The following PSMB7 variants were observed in gnomAD, a reference collection of about 807,000 sequenced individuals.
PSMB7 encodes proteasome 20S subunit beta 7.
PSMB7 carries 5 observed loss-of-function variants against 28.1 expected under a neutral mutation model. The ratio of observed to expected loss-of-function variants is 0.18; its 90% CI spans 0.09 to 0.37. The LOEUF (loss-of-function observed/expected upper bound fraction) is 0.37, where lower values mean the gene tolerates loss of function less well. Ranked by LOEUF, PSMB7 falls within the 10% of genes least tolerant of loss-of-function variation. The probability of loss-of-function intolerance (pLI) is 1.00; values close to 1 mark genes in which losing one functional copy is unlikely to be tolerated. For missense variants in PSMB7, 275 were observed against 346.2 expected (o/e 0.79, Z 1.63); for synonymous variants, 122 against 123.7 (o/e 0.99, Z 0.09).
At chr9:124,379,270 T>A (rs1244983794) in intron 6 of PSMB7, among the ~76,000 whole-genome samples, 1 of 152,222 alleles carries the variant, frequency 6.6e-6, no homozygotes, top group African/African-American at 2.4e-5. Context: ...AAAGGAAGGT[T>A]ACTCTCAGAA....
intron 6 of PSMB7, 58 bp downstream of exon 6, chr9:124,384,540 T>G: frequency 4.7e-6 from 7 of 1,496,302 alleles, no homozygotes; most frequent in Non-Finnish European, 6.4e-6. Flanking sequence ...TTTGTAAATG[T>G]TCAAGATAAA....
Position 124,415,284 on chromosome 9 carries a change from C to T in PSMB7, c.62+80G>A, listed in dbSNP as rs74789535. The T allele has an allele frequency of 8.5e-6, 12 of 1,415,254 alleles. No homozygotes were observed. In the African/African-American group the frequency reaches 1.6e-4, roughly 18 times the overall value. The allele number at this position is 1,415,254 out of a possible 1,614,324, so 87.7% of individuals were successfully genotyped here. A position where few individuals can be genotyped will look rare whatever the true frequency, so the allele number is the denominator to read the frequency against. ...CCATGAATTCTTCCCTCAGAATTCT[C>T]GTATCACACCTTGGCCCAGCTCCCA... On this transcript the variant is annotated intron_variant, in intron 1 of 7. Coordinates refer to ENST00000259457, the MANE Select transcript of PSMB7 (RefSeq NM_002799.4).
chr9:124,396,929 T>C (rs1830849354), intron 5 of PSMB7: 1 of 402,416 alleles, frequency 2.5e-6, no homozygotes, highest in Non-Finnish European at 5.1e-6. Flanking sequence ...ACTAAAATGC[T>C]TTCCCTTTCC....
chr9:124,383,981 C>T (rs1390699113), intron 6 of PSMB7: 1 of 152,116 alleles, frequency 6.6e-6, no homozygotes, highest in Non-Finnish European at 1.5e-5. Context: ...GGGGTGGAGA[C>T]AATCTATCAT....
intron 2 of PSMB7, 59 bp downstream of exon 2, chr9:124,414,783 A>G: frequency 7.0e-7 from 1 of 1,426,044 alleles, no homozygotes; most frequent in South Asian, 1.2e-5. Flanking sequence ...CCGGAAGCCA[A>G]GTGTTCTGAT....
intron 6 of PSMB7, among the ~76,000 whole-genome samples, chr9:124,369,201 A>AT: frequency 6.6e-6 from 1 of 152,302 alleles, no homozygotes; most frequent in Middle Eastern, 3.4e-3. Flanking sequence ...TAAAATATCT[A>AT]TTTAGTACAA....
At chr9:124,384,994 C>T (rs777696163) in intron 5 of PSMB7, among the ~76,000 whole-genome samples, 1 of 152,204 alleles carries the variant, frequency 6.6e-6, no homozygotes, top group Non-Finnish European at 1.5e-5. Context: ...CATAATTTCC[C>T]GTGTTCTATG....
Position 124,371,683 on chromosome 9 carries a change from G to C in PSMB7, c.570+12915C>G, listed in dbSNP as rs146417053. Among the ~76,000 whole-genome samples the C allele has an allele frequency of 9.2e-5, 14 of 152,306 alleles. 1 individual carries two copies. Among genetic ancestry groups the C allele is most frequent in the African/African-American group, 3.4e-4 (14 of 41,566 alleles). Reference sequence around the variant, plus strand: ...TGTACCTGAGACCCAAGTTAGCAAAGGCAATTCAATTTGAAGAGAGCGGTG... The same window carrying C: ...TGTACCTGAGACCCAAGTTAGCAAACGCAATTCAATTTGAAGAGAGCGGTG... On this transcript the variant is annotated intron_variant, in intron 6 of 7. Coordinates refer to ENST00000259457, the MANE Select transcript of PSMB7 (RefSeq NM_002799.4).
Position 124,413,901 on chromosome 9 carries a change from T to C in PSMB7, c.254+7A>G. On this transcript the variant is annotated splice_region_variant and intron_variant, in intron 3 of 7. Coordinates refer to ENST00000259457, the MANE Select transcript of PSMB7 (RefSeq NM_002799.4). Reference sequence around the variant, plus strand: ...TATAAGAGTTATTCAAACGAATCAATACTTACTAAATATTAGGAGATATGA... The same window carrying C: ...TATAAGAGTTATTCAAACGAATCAACACTTACTAAATATTAGGAGATATGA... 2.5e-6 allele frequency: 4 copies of C among 1,573,850 alleles called. No homozygotes were observed. Among genetic ancestry groups the C allele is most frequent in the Non-Finnish European group, 3.5e-6 (4 of 1,145,580 alleles).
At position 124,356,636 on chromosome 9, in the gene PSMB7, T is replaced by TTGA; in HGVS notation, c.722+125_722+127dup. 1.8e-6 allele frequency: 2 copies of TTGA among 1,101,806 alleles called. No homozygotes were observed. Among genetic ancestry groups the TTGA allele is most frequent in the African/African-American group, 3.2e-5 (2 of 63,458 alleles). 68.3% of individuals were successfully genotyped at this position (1,101,806 alleles called of 1,614,324 possible). On this transcript the variant is annotated intron_variant, in intron 7 of 7. Coordinates refer to ENST00000259457, the MANE Select transcript of PSMB7 (RefSeq NM_002799.4). This position sits in a 1 kb window ranked among gnomAD's most constrained non-coding sequence, Gnocchi z 4.4. ...ACAAGCCGAAGGTCTGTGTGGGAGG[T>TTGA]TGATTTGGGAACACTGGATGTACTT...
At chr9:124,408,472 A>G (rs1830991078) in intron 4 of PSMB7, among the ~76,000 whole-genome samples, 1 of 152,244 alleles carries the variant, frequency 6.6e-6, no homozygotes, top group South Asian at 2.1e-4. Context: ...ACATAGCCAC[A>G]AAACGGATAC....
intron 6 of PSMB7, among the ~76,000 whole-genome samples, chr9:124,382,554 G>C (rs898820603): frequency 1.3e-5 from 2 of 152,122 alleles, no homozygotes; most frequent in African/African-American, 4.8e-5. Flanking sequence ...CTGATTGTCA[G>C]TGTGCATGTG....
rs566054048 is a variant in PSMB7 at position 124,380,147 on chromosome 9, G to A, written c.570+4451C>T. Among the ~76,000 whole-genome samples, 27 of 152,322 alleles carry A rather than the reference G, an allele frequency of 1.8e-4. No individual in the cohort carries two copies. In the Middle Eastern group the frequency reaches 0.01, roughly 58 times the overall value. ...AGGAGTCCACGGCGAGCCAGTGCAC[G>A]CTATATTCAAAGAACAGTGAGCAGA... On this transcript the variant is annotated intron_variant, in intron 6 of 7. Coordinates refer to ENST00000259457, the MANE Select transcript of PSMB7 (RefSeq NM_002799.4).
chr9:124,403,040 C>T (rs1273869113), intron 5 of PSMB7, among the ~76,000 whole-genome samples: 1 of 152,082 alleles, frequency 6.6e-6, no homozygotes, highest in Non-Finnish European at 1.5e-5. Context: ...CAGCAGTTTT[C>T]CTAGATGTGG....
intron 6 of PSMB7, 89 bp downstream of exon 6, chr9:124,384,509 T>G: frequency 8.1e-7 from 1 of 1,235,974 alleles, no homozygotes; most frequent in Non-Finnish European, 1.2e-6. Flanking sequence ...CTGTACAAGC[T>G]CGGGAGGAAT....
At chr9:124,383,062 A>G (rs1300032844) in intron 6 of PSMB7, among the ~76,000 whole-genome samples, 1 of 152,254 alleles carries the variant, frequency 6.6e-6, no homozygotes, top group Non-Finnish European at 1.5e-5. Flanking sequence ...TGTGAGTTCT[A>G]ATGGATGCGT....
intron 3 of PSMB7, among the ~76,000 whole-genome samples, chr9:124,412,791 C>T (rs1030168365): frequency 6.6e-6 from 1 of 152,052 alleles, no homozygotes; most frequent in East Asian, 1.9e-4. Flanking sequence ...TACAGAAGTG[C>T]CAGGTGTGTT....
At chr9:124,414,593 G>T (rs1333478556) in intron 2 of PSMB7, among the ~76,000 whole-genome samples, 1 of 142,506 alleles carries the variant, frequency 7.0e-6, no homozygotes, top group East Asian at 2.0e-4. Flanking sequence ...TAGTAATTAA[G>T]AAGCTAACTG....
At chr9:124,405,522 CAA>C (rs1830954510) in intron 4 of PSMB7, 90 bp from the exon 5 acceptor site, 1 of 850,168 alleles carries the variant, frequency 1.2e-6, no homozygotes, top group Non-Finnish European at 1.9e-6. Flanking sequence ...AGTCAGGTAA[CAA>C]AAAGTTTTCC....
Sources: gnomAD v4.1 joint callset for allele counts (sites outside exome capture counted in the v4.1 genomes callset) on GRCh38, gnomAD v4.1.1 for gene constraint, Gnocchi (gnomAD v3.1) non-coding constraint, MANE v1.5 for transcripts, NCBI Gene and HGNC (gene_info 2026-07-23, HGNC 2026-07-21) for gene names.